The following XKR9 variants were observed in gnomAD, a reference collection of about 807,000 sequenced individuals.
XKR9 encodes the protein XK related 9.
Under a neutral mutation model 32.0 loss-of-function variants are expected in XKR9, and 32 were observed. The observed-to-expected ratio is 1.00, with a 90% CI of 0.76 to 1.34. The LOEUF (loss-of-function observed/expected upper bound fraction) is 1.34, where lower values mean the gene tolerates loss of function less well. XKR9 is among the 40% of genes most tolerant of loss of function. The pLI is 0.00. For missense variants in XKR9, 546 were observed against 429.7 expected (o/e 1.27, Z -2.39); for synonymous variants, 168 against 143.4 (o/e 1.17, Z -1.22).
At chr8:70,872,567 G>C in the XKR9 span, among the ~76,000 whole-genome samples, 1 of 152,340 alleles carries the variant, frequency 6.6e-6, no homozygotes, top group East Asian at 1.9e-4. Context: ...GTAGAAGATA[G>C]CTTCTAGGAC....
the XKR9 span, among the ~76,000 whole-genome samples, chr8:70,925,437 A>G: frequency 6.6e-6 from 1 of 152,314 alleles, no homozygotes; most frequent in Non-Finnish European, 1.5e-5. Flanking sequence ...AGAATACTCT[A>G]TTTTCGAGAT....
the XKR9 span, among the ~76,000 whole-genome samples, chr8:71,043,145 G>T: frequency 1.6e-4 from 25 of 152,116 alleles, no homozygotes; most frequent in African/African-American, 5.6e-4. Flanking sequence ...CAGTCAAATT[G>T]GGCTTACTCA....
chr8:70,728,897 G>T (rs565616129), intron 4 of XKR9, among the ~76,000 whole-genome samples: 2 of 152,316 alleles, frequency 1.3e-5, no homozygotes, highest in East Asian at 3.9e-4. Context: ...ACAGCCGTGG[G>T]CTTGTACCTC....
intron 2 of XKR9, among the ~76,000 whole-genome samples, chr8:70,788,638 G>C (rs571379934): frequency 1.3e-5 from 2 of 152,178 alleles, no homozygotes; most frequent in African/African-American, 4.8e-5. Context: ...TAAAAAGTTA[G>C]ATATCTATGA....
intron 2 of XKR9, chr8:70,789,222 T>A (rs1807731738): frequency 6.6e-6 from 1 of 152,066 alleles, no homozygotes; most frequent in African/African-American, 2.4e-5. Context: ...AAGAAAAAAT[T>A]AAGTGTAATT....
At chr8:70,766,984 C>G (rs1024824567) in intron 2 of XKR9, among the ~76,000 whole-genome samples, 6 of 152,182 alleles carry the variant, frequency 3.9e-5, no homozygotes, top group Admixed American at 6.5e-5. Context: ...TGATGTGCTG[C>G]TGGATACAAT....
At chr8:71,048,291 T>C in the XKR9 span, among the ~76,000 whole-genome samples, 4 of 152,232 alleles carry the variant, frequency 2.6e-5, no homozygotes, top group African/African-American at 9.6e-5. Flanking sequence ...CAGCCGCTGG[T>C]CTCTCAGTCT....
the XKR9 span, among the ~76,000 whole-genome samples, chr8:71,027,681 C>T: frequency 6.7e-6 from 1 of 149,380 alleles, no homozygotes; most frequent in African/African-American, 2.5e-5. Context: ...AGCTTTGTTC[C>T]TTTTGTTCAA....
At chr8:70,956,131 C>T in the XKR9 span, among the ~76,000 whole-genome samples, 2 of 152,276 alleles carry the variant, frequency 1.3e-5, no homozygotes, top group East Asian at 1.9e-4. Context: ...GCCTTGTTTG[C>T]GTTACAACTC....
intron 4 of XKR9, among the ~76,000 whole-genome samples, chr8:70,718,192 A>T (rs56043721): frequency 0.4 from 61,182 of 152,038 alleles, 13,882 homozygotes; most frequent in Non-Finnish European, 0.52. Context: ...TATCTTCTTC[A>T]GAGCCCTCCA....
intron 4 of XKR9, among the ~76,000 whole-genome samples, chr8:70,707,720 T>A (rs562459292): frequency 6.6e-6 from 1 of 152,070 alleles, no homozygotes; most frequent in Non-Finnish European, 1.5e-5. Flanking sequence ...GTGGAATTAC[T>A]GGGTAAGAGT....
At chr8:70,823,617 G>A in the XKR9 span, among the ~76,000 whole-genome samples, 1 of 152,316 alleles carries the variant, frequency 6.6e-6, no homozygotes, top group Admixed American at 6.5e-5. Flanking sequence ...CTAAAAAAGT[G>A]TGCAGGAGAT....
chr8:70,681,124 A>G lies in XKR9; in HGVS notation c.66A>G (p.Leu22=), dbSNP rs751209007. 2 of 1,613,442 alleles carry G rather than the reference A, an allele frequency of 1.2e-6. No individual in the cohort carries two copies. Among genetic ancestry groups the G allele is most frequent in the South Asian group, 2.2e-5 (2 of 91,052 alleles). The part of the protein sequence containing the change: ...VLGIIIYVTD[L]IVDIWVSVRF... The stretch of plus-strand genomic sequence containing the variant: ...GCATTATAATCTACGTAACTGATTT[A>G]ATTGTGGACATATGGGTATCTGTCA... The change falls in exon 3 of 5, where the codon TTA becomes TTG. Residue 22 remains leucine, a synonymous_variant. Coordinates refer to ENST00000408926, the MANE Select transcript of XKR9 (RefSeq NM_001011720.2).
chr8:70,812,716 C>A, the XKR9 span, among the ~76,000 whole-genome samples: 11 of 152,232 alleles, frequency 7.2e-5, no homozygotes, highest in African/African-American at 2.6e-4. Flanking sequence ...AATAAAATAC[C>A]TAGGAATCCA....
the XKR9 span, among the ~76,000 whole-genome samples, chr8:70,866,811 T>G: frequency 6.6e-6 from 1 of 152,108 alleles, no homozygotes. Context: ...AAAGAAATAA[T>G]ACAAATAATA....
the XKR9 span, among the ~76,000 whole-genome samples, chr8:70,840,407 A>G: frequency 6.6e-6 from 1 of 152,128 alleles, no homozygotes; most frequent in South Asian, 2.1e-4. Flanking sequence ...ATGTATCAAG[A>G]CACTTTTGAT....
chr8:70,695,129 T>C (rs1476854969), intron 3 of XKR9, among the ~76,000 whole-genome samples: 2 of 32,640 alleles, frequency 6.1e-5, no homozygotes, highest in Non-Finnish European at 1.3e-4. Context: ...CTTGTTTTTC[T>C]TTTTTTTTTT....
chr8:70,810,823 T>G, the XKR9 span, among the ~76,000 whole-genome samples: 5 of 152,146 alleles, frequency 3.3e-5, no homozygotes, highest in Non-Finnish European at 7.4e-5. Context: ...AGACTTAGAC[T>G]TCCACACAAT....
chr8:70,957,597 C>A, the XKR9 span, among the ~76,000 whole-genome samples: 6,104 of 152,042 alleles, frequency 0.04, 181 homozygotes, highest in South Asian at 0.11. Flanking sequence ...CATGTGTTCT[C>A]ATCATTCAGC....
Sources: gnomAD v4.1 joint callset for allele counts (sites outside exome capture counted in the v4.1 genomes callset) on GRCh38, gnomAD v4.1.1 for gene constraint, MANE v1.5 for transcripts, NCBI Gene and HGNC (gene_info 2026-07-23, HGNC 2026-07-21) for gene names.